The following LAMTOR4 variants were observed in gnomAD, a reference collection of about 807,000 sequenced individuals.
LAMTOR4 encodes ragulator complex protein LAMTOR4.
A neutral mutation model predicts 13.5 loss-of-function variants in LAMTOR4; 11 were observed. The ratio of observed to expected loss-of-function variants is 0.82; its 90% CI spans 0.51 to 1.35. The LOEUF is 1.35. LAMTOR4 is among the 40% of genes most tolerant of loss of function. LAMTOR4 has a pLI of 0.00. For synonymous variants in LAMTOR4, 69 were observed against 52.3 expected (o/e 1.32, Z -1.38); for missense variants, 128 against 126.2 (o/e 1.01, Z -0.07).
At chr7:100,150,057 G>A (rs1002427352) in intron 2 of LAMTOR4, among the ~76,000 whole-genome samples, 1 of 152,216 alleles carries the variant, frequency 6.6e-6, no homozygotes, top group Non-Finnish European at 1.5e-5. Context: ...GATTACAGGC[G>A]TGAGCCAACA....
intron 2 of LAMTOR4, chr7:100,149,805 C>G (rs1277945895): frequency 7.0e-6 from 3 of 425,856 alleles, no homozygotes; most frequent in East Asian, 3.8e-5. Context: ...GACTGAGTTT[C>G]GTTCTTGTTG....
chr7:100,151,706 G>T (rs923668862), intron 2 of LAMTOR4, among the ~76,000 whole-genome samples: 10 of 147,892 alleles, frequency 6.8e-5, no homozygotes, highest in Admixed American at 5.4e-4. Flanking sequence ...TTGTTTGTTT[G>T]TTTTTTTTTA....
intron 2 of LAMTOR4, among the ~76,000 whole-genome samples, chr7:100,152,068 G>A (rs73395997): frequency 0.019 from 2,884 of 152,220 alleles, 104 homozygotes; most frequent in African/African-American, 0.067. Context: ...GGTAATAGAG[G>A]AAATATTTCT....
chr7:100,149,337 A>G, intron 1 of LAMTOR4, 162 bp from the exon 2 acceptor site: 1 of 667,846 alleles, frequency 1.5e-6, no homozygotes, highest in Non-Finnish European at 2.7e-6. Flanking sequence ...GAAGATCAGT[A>G]TTGAGGACCA....
At position 100,154,101 on chromosome 7, in the gene LAMTOR4, G is replaced by A; in HGVS notation, c.*137G>A. The A allele has an allele frequency of 4.4e-6, 3 of 688,290 alleles. No homozygotes were observed. The highest frequency in any genetic ancestry group is 2.2e-5 in the Admixed American group (1 of 45,914). The allele number at this position is 688,290 out of a possible 1,614,324, so 42.6% of individuals were successfully genotyped here. On this transcript the variant is annotated 3_prime_UTR_variant, in exon 4 of 4. Coordinates refer to ENST00000341942, the MANE Select transcript of LAMTOR4 (RefSeq NM_001008395.4). Reference sequence around the variant, plus strand: ...CCACCTCCCACCCCTACCTGGACGGGCCCAGGCTTGGGGACTCTGAGCTGT... The same window carrying A: ...CCACCTCCCACCCCTACCTGGACGGACCCAGGCTTGGGGACTCTGAGCTGT...
chr7:100,153,514 T>C lies in LAMTOR4; in HGVS notation c.199T>C (p.Ser67Pro), dbSNP rs1380757658. ...CATGAATGTGCCCTTCAAGCGCCTGTCTGGTGAGCCCCTGCCCCTGCCCTT... is the reference window on the plus strand; with the variant it reads ...CATGAATGTGCCCTTCAAGCGCCTGCCTGGTGAGCCCCTGCCCCTGCCCTT... ...RGMNVPFKRLSVVFGEHTLLV... is the reference protein window; with the variant it reads ...RGMNVPFKRLPVVFGEHTLLV... Residue 67 changes from serine (S) to proline (P), a missense_variant, in exon 3 of 4, where the codon TCT (serine) becomes CCT (proline). Ser to Pro is a moderately conservative substitution (Grantham distance 74). Coordinates refer to ENST00000341942, the MANE Select transcript of LAMTOR4 (RefSeq NM_001008395.4). The C allele has an allele frequency of 6.2e-7, 1 of 1,606,138 alleles. No individual in the cohort carries two copies. Among genetic ancestry groups the C allele is most frequent in the Non-Finnish European group, 8.5e-7 (1 of 1,179,754 alleles).
At chr7:100,153,188 G>A (rs751189380) in intron 2 of LAMTOR4, among the ~76,000 whole-genome samples, 2 of 151,954 alleles carry the variant, frequency 1.3e-5, no homozygotes, top group Admixed American at 6.6e-5. Flanking sequence ...CTGCTCATCC[G>A]GGGAAGGCCA....
rs200395313 is a variant in LAMTOR4, at chr7:100,153,476, G to A, written c.161G>A (p.Arg54Gln). The part of the protein sequence containing the change: ...SELVSTACGF[R>Q]LHRGMNVPFK... ...CTGGTCAGCACAGCCTGCGGTTTCC[G>A]GCTGCACCGCGGCATGAATGTGCCC... is the stretch of plus-strand genomic sequence containing the variant. The change falls in exon 3 of 4, where the codon CGG becomes CAG. Residue 54 changes from arginine to glutamine, a missense_variant. Coordinates refer to ENST00000341942, the MANE Select transcript of LAMTOR4 (RefSeq NM_001008395.4). 8.4e-5 allele frequency: 135 copies of A among 1,609,660 alleles called. 2 individuals are homozygous for A. The Admixed American group carries it at 1.5e-3, about 17-fold the overall frequency.
At chr7:100,152,839 G>C (rs1395916233) in intron 2 of LAMTOR4, 2 of 153,302 alleles carry the variant, frequency 1.3e-5, no homozygotes, top group African/African-American at 4.8e-5. Flanking sequence ...AGTTTTATGG[G>C]GTTAGAAAAG....
rs539559227 is a variant in LAMTOR4, at chr7:100,153,977, G to T, written c.*13G>T. 1.3e-6 allele frequency: 2 copies of T among 1,566,590 alleles called. No homozygotes were observed. The highest frequency in any genetic ancestry group is 1.3e-5 in the African/African-American group (1 of 74,268). ...CATTGATGTCTGAGCCTGCCGGAGGGCGAGGGTCGGAGAAGCGGATTGGGT... is the reference window on the plus strand; with the variant it reads ...CATTGATGTCTGAGCCTGCCGGAGGTCGAGGGTCGGAGAAGCGGATTGGGT... On this transcript the variant is annotated 3_prime_UTR_variant, in exon 4 of 4. Transcript: ENST00000341942.
At chr7:100,152,982 G>A (rs527781824) in intron 2 of LAMTOR4, among the ~76,000 whole-genome samples, 16 of 152,030 alleles carry the variant, frequency 1.1e-4, no homozygotes, top group East Asian at 1.9e-4. Flanking sequence ...GTAAAACCCC[G>A]TCTCTACTAA....
chr7:100,153,528 G>A lies in LAMTOR4; in HGVS notation c.202+11G>A. Reference sequence around the variant, plus strand: ...TCAAGCGCCTGTCTGGTGAGCCCCTGCCCCTGCCCTTGGTGGTGGTACTGG... The same window carrying A: ...TCAAGCGCCTGTCTGGTGAGCCCCTACCCCTGCCCTTGGTGGTGGTACTGG... On this transcript the variant is annotated intron_variant, in intron 3 of 3. Transcript: ENST00000341942. The A allele has an allele frequency of 6.2e-7, 1 of 1,602,826 alleles. No homozygotes were observed. The highest frequency in any genetic ancestry group is 8.5e-7 in the Non-Finnish European group (1 of 1,177,830).
chr7:100,151,549 C>T (rs529730659), intron 2 of LAMTOR4, among the ~76,000 whole-genome samples: 8 of 151,906 alleles, frequency 5.3e-5, no homozygotes, highest in African/African-American at 9.7e-5. Flanking sequence ...CCACCATGCC[C>T]GGCTACTTTT....
In LAMTOR4 at chr7:100,154,046, T is replaced by C. The variant is rs1009366607; in HGVS notation, c.*82T>C. The C allele has an allele frequency of 9.1e-7, 1 of 1,104,832 alleles. No homozygotes were observed. The highest frequency in any genetic ancestry group is 2.6e-5 in the East Asian group (1 of 38,862). 68.4% of individuals were successfully genotyped at this position (1,104,832 alleles called of 1,614,324 possible). On this transcript the variant is annotated 3_prime_UTR_variant, in exon 4 of 4. Transcript: ENST00000341942. Reference sequence around the variant, plus strand: ...GGCAGGCACACCTGTCGGTCTTGGCTTGCTGCTAGAACTAGGGCCTTCTGC... The same window carrying C: ...GGCAGGCACACCTGTCGGTCTTGGCCTGCTGCTAGAACTAGGGCCTTCTGC...
At chr7:100,149,147 C>T in intron 1 of LAMTOR4, 172 bp downstream of exon 1, 1 of 832,878 alleles carries the variant, frequency 1.2e-6, no homozygotes, top group East Asian at 2.7e-5. Flanking sequence ...GGGGAGGGGT[C>T]TGTGGGAGGG....
At chr7:100,152,207 C>T (rs1017987733) in intron 2 of LAMTOR4, among the ~76,000 whole-genome samples, 9 of 151,924 alleles carry the variant, frequency 5.9e-5, no homozygotes, top group Admixed American at 5.3e-4. Context: ...GTTGGGAGTT[C>T]GAGAGCACCC....
At position 100,151,156 on chromosome 7, in the gene LAMTOR4, C is replaced by T. The variant is rs553532695; in HGVS notation, c.84+1577C>T. 2.0e-5 allele frequency among the ~76,000 whole-genome samples: 3 copies of T among 148,680 alleles called. No homozygotes were observed. In the East Asian group the frequency reaches 6.2e-4, roughly 31 times the overall value. ...GTGGCATGATCTCAGCTCACTGCAA[C>T]CTCCGTCTTCCGGGTTCAAGTGATT... On this transcript the variant is annotated intron_variant, in intron 2 of 3. Transcript: ENST00000341942.
intron 1 of LAMTOR4, 101 bp downstream of exon 1, chr7:100,149,076 C>A: frequency 1.4e-6 from 2 of 1,410,540 alleles, no homozygotes; most frequent in Non-Finnish European, 1.9e-6. Context: ...TCCACCCTCA[C>A]CTCCTATCCG....
At position 100,154,045 on chromosome 7, in the gene LAMTOR4, C is replaced by A; in HGVS notation, c.*81C>A. 1 of 1,112,760 alleles carries A rather than the reference C, an allele frequency of 9.0e-7. No homozygotes were observed. The highest frequency in any genetic ancestry group is 1.3e-6 in the Non-Finnish European group (1 of 749,902). 68.9% of individuals were successfully genotyped at this position (1,112,760 alleles called of 1,614,324 possible). ...AGGCAGGCACACCTGTCGGTCTTGG[C>A]TTGCTGCTAGAACTAGGGCCTTCTG... is the stretch of plus-strand genomic sequence containing the variant. On this transcript the variant is annotated 3_prime_UTR_variant, in exon 4 of 4. Coordinates refer to ENST00000341942, the MANE Select transcript of LAMTOR4 (RefSeq NM_001008395.4).
Sources: allele counts gnomAD v4.1 joint callset (sites outside exome capture counted in the v4.1 genomes callset), GRCh38; gene constraint gnomAD v4.1.1; transcripts MANE v1.5; gene names NCBI Gene and HGNC (gene_info 2026-07-23, HGNC 2026-07-21).